The following ZMYM2 variants were observed in gnomAD, a reference collection of about 807,000 sequenced individuals.
The protein encoded by ZMYM2 is zinc finger MYM-type protein 2.
ZMYM2 carries 56 observed loss-of-function variants against 162.8 expected under a neutral mutation model. The ratio of observed to expected loss-of-function variants is 0.34; its 90% CI spans 0.28 to 0.43. The LOEUF (loss-of-function observed/expected upper bound fraction) is 0.43, where lower values mean the gene tolerates loss of function less well. Ranked by LOEUF, ZMYM2 falls within the 20% of genes least tolerant of loss-of-function variation. The probability of loss-of-function intolerance (pLI) is 1.00; values close to 1 mark genes in which losing one functional copy is unlikely to be tolerated. For missense variants in ZMYM2, 1,275 were observed against 1,621.8 expected, an observed-to-expected ratio of 0.79 and a Z score of 3.67; for synonymous variants, 510 against 541.6, an observed-to-expected ratio of 0.94 and a Z score of 0.81.
At chr13:19,884,369 A>G in the ZMYM2 span, among the ~76,000 whole-genome samples, 1 of 151,906 alleles carries the variant, frequency 6.6e-6, no homozygotes, top group African/African-American at 2.4e-5. Context: ...ACGTCAGTAG[A>G]TCGAGACGGC....
chr13:20,068,384 C>T (rs1956835369), intron 21 of ZMYM2: 1 of 168,908 alleles, frequency 5.9e-6, no homozygotes, highest in Non-Finnish European at 1.3e-5. Context: ...CTTTATTACT[C>T]TTGGTGTTAA....
At chr13:20,077,183 T>G (rs1306469738) in intron 21 of ZMYM2, among the ~76,000 whole-genome samples, 1 of 150,712 alleles carries the variant, frequency 6.6e-6, no homozygotes, top group Non-Finnish European at 1.5e-5. Context: ...TGTTGTATGC[T>G]GGATACTGGA....
the ZMYM2 span, among the ~76,000 whole-genome samples, chr13:19,940,299 C>T: frequency 6.6e-6 from 1 of 152,170 alleles, no homozygotes; most frequent in Admixed American, 6.5e-5. Flanking sequence ...TTCTTTTCTT[C>T]CACCCAGGGA....
intron 1 of ZMYM2, among the ~76,000 whole-genome samples, chr13:19,959,530 T>G (rs1954943327): frequency 1.3e-5 from 2 of 152,148 alleles, no homozygotes; most frequent in African/African-American, 4.8e-5. Context: ...GGGCAACTGC[T>G]TGGGGCAAAT....
intron 3 of ZMYM2, among the ~76,000 whole-genome samples, chr13:19,999,787 G>A (rs1022897502): frequency 3.3e-5 from 5 of 152,234 alleles, no homozygotes; most frequent in Admixed American, 6.5e-5. Context: ...GTGAACACAG[G>A]AATGATAACA....
At chr13:19,883,862 C>T in the ZMYM2 span, among the ~76,000 whole-genome samples, 1 of 152,164 alleles carries the variant, frequency 6.6e-6, no homozygotes, top group Non-Finnish European at 1.5e-5. Flanking sequence ...GTTTGAGTAA[C>T]TCTCCTGCCT....
Position 19,973,691 on chromosome 13 carries a change from A to G in ZMYM2, c.-11+13665A>G, listed in dbSNP as rs548498832. The stretch of plus-strand genomic sequence containing the variant: ...ATCTCAAAAAAAAAAAAAAAAAAAC[A>G]CCAAAAAACAAAACAAAAAACAGAA... On this transcript the variant is annotated intron_variant, in intron 2 of 24. Coordinates refer to ENST00000610343, the MANE Select transcript of ZMYM2 (RefSeq NM_197968.4). Among the ~76,000 whole-genome samples the G allele has an allele frequency of 1.2e-3, 166 of 142,526 alleles. 2 individuals are homozygous for G. In the Middle Eastern group the frequency reaches 0.018, roughly 15 times the overall value. 93.5% of individuals were successfully genotyped at this position (142,526 alleles called of 152,430 possible). A position where few individuals can be genotyped will look rare whatever the true frequency, so the allele number is the denominator to read the frequency against.
At chr13:19,917,693 A>G in the ZMYM2 span, among the ~76,000 whole-genome samples, 1 of 152,014 alleles carries the variant, frequency 6.6e-6, no homozygotes, top group East Asian at 1.9e-4. Flanking sequence ...TGTGGTATTT[A>G]ACTTAATACA....
the ZMYM2 span, among the ~76,000 whole-genome samples, chr13:19,953,469 G>A: frequency 6.6e-6 from 1 of 152,014 alleles, no homozygotes; most frequent in Non-Finnish European, 1.5e-5. Flanking sequence ...TGGATCACGA[G>A]GTCAAGAGAT....
chr13:20,052,403 T>C (rs1955444544), intron 14 of ZMYM2, 92 bp downstream of exon 14: 7 of 1,231,676 alleles, frequency 5.7e-6, no homozygotes, highest in Non-Finnish European at 7.8e-6. Flanking sequence ...ATAATAGTAA[T>C]TTTTTTGGTT....
upstream of ZMYM2, among the ~76,000 whole-genome samples, chr13:19,954,625 G>A (rs1954476635): frequency 6.6e-6 from 1 of 151,920 alleles, no homozygotes; most frequent in Non-Finnish European, 1.5e-5. Flanking sequence ...TTCAGTATAA[G>A]CAAATTATAA....
At chr13:19,885,819 C>T in the ZMYM2 span, among the ~76,000 whole-genome samples, 2 of 142,476 alleles carry the variant, frequency 1.4e-5, no homozygotes, top group Non-Finnish European at 3.0e-5. Context: ...TGCACTCCAG[C>T]CTGGGCAACA....
chr13:19,948,693 A>T, the ZMYM2 span, among the ~76,000 whole-genome samples: 1 of 152,198 alleles, frequency 6.6e-6, no homozygotes, highest in African/African-American at 2.4e-5. Flanking sequence ...TTGAGTAATA[A>T]TAATGTGTTC....
chr13:19,890,505 T>TAAAAAAAAAAA, the ZMYM2 span, among the ~76,000 whole-genome samples: 73 of 98,438 alleles, frequency 7.4e-4, 1 homozygote, highest in Middle Eastern at 0.015. Context: ...AGTGCTTTTG[T>TAAAAAAAAAAA]AAAAAAAAAA....
intron 21 of ZMYM2, among the ~76,000 whole-genome samples, chr13:20,069,728 G>T (rs978033332): frequency 1.3e-5 from 2 of 151,736 alleles, no homozygotes; most frequent in Admixed American, 1.3e-4. Flanking sequence ...AGATATATTG[G>T]TGATGATTTT....
rs183529714 is a variant in ZMYM2, at chr13:20,052,633, T to G, written c.2493+322T>G. On this transcript the variant is annotated intron_variant, in intron 14 of 24. Coordinates refer to ENST00000610343, the MANE Select transcript of ZMYM2 (RefSeq NM_197968.4). ...TTTGAAATTAAGACAATGGCAATAG[T>G]ATGTTTGAAATTAAGACAATGGCAA... Among the ~76,000 whole-genome samples, 509 of 152,282 alleles carry G rather than the reference T, an allele frequency of 3.3e-3. 2 individuals carry two copies. Among genetic ancestry groups the G allele is most frequent in the African/African-American group, 0.012 (490 of 41,560 alleles).
chr13:19,875,343 A>G, the ZMYM2 span, among the ~76,000 whole-genome samples: 2 of 152,198 alleles, frequency 1.3e-5, no homozygotes, highest in South Asian at 2.1e-4. Flanking sequence ...AAATAATGAC[A>G]CTATTGCTGG....
chr13:19,963,472 G>C (rs900755515), intron 2 of ZMYM2, among the ~76,000 whole-genome samples: 2 of 152,038 alleles, frequency 1.3e-5, no homozygotes, highest in Non-Finnish European at 1.5e-5. Context: ...AACAGTTGCA[G>C]CTTATTTTCA....
At chr13:19,868,361 G>T in the ZMYM2 span, among the ~76,000 whole-genome samples, 1 of 152,054 alleles carries the variant, frequency 6.6e-6, no homozygotes, top group Non-Finnish European at 1.5e-5. Flanking sequence ...TTTCAACTTC[G>T]GTCATTTCAA....
Sources: gnomAD v4.1 joint callset for allele counts (sites outside exome capture counted in the v4.1 genomes callset) on GRCh38, gnomAD v4.1.1 for gene constraint, MANE v1.5 for transcripts, NCBI Gene and HGNC (gene_info 2026-07-23, HGNC 2026-07-21) for gene names.